SLC9A7: variants seen among roughly 807,000 people sequenced by gnomAD.
The protein encoded by SLC9A7 is sodium/hydrogen exchanger 7.
A neutral mutation model predicts 52.6 loss-of-function variants in SLC9A7; 19 were observed. The ratio of observed to expected loss-of-function variants is 0.36; its 90% CI spans 0.25 to 0.53. The LOEUF is 0.53. Ranked by LOEUF, SLC9A7 falls within the 20% of genes least tolerant of loss-of-function variation. The pLI is 0.91. For missense variants in SLC9A7, 455 were observed against 597.9 expected (o/e 0.76, Z 2.49); for synonymous variants, 226 against 252.1 (o/e 0.90, Z 0.98).
In SLC9A7 at chrX:46,653,663, A is replaced by C. The variant is rs1309183672; in HGVS notation, c.1093T>G (p.Phe365Val). ...HCFPLLETAL[F>V]FLMSWSTFLL... ...AACGTGCTCCAGGACATGAGGAAGA[A>C]CAGCGCCGTCTCCAGCAGGGGGAAG... The change falls in exon 8 of 17, where the codon TTC (phenylalanine) becomes GTC (valine). Residue 365 changes from phenylalanine (F) to valine (V), a missense_variant. Phe to Val is a conservative substitution (Grantham distance 50). Transcript: ENST00000616978. 1 of 1,210,988 alleles carries C rather than the reference A, an allele frequency of 8.3e-7. No individual in the cohort carries two copies.
intron 1 of SLC9A7, among the ~76,000 whole-genome samples, chrX:46,704,400 T>G (rs930856992): frequency 3.6e-5 from 4 of 112,276 alleles, no homozygotes; most frequent in African/African-American, 1.3e-4. Context: ...CTCTTAATTG[T>G]GGACATAATG....
chrX:46,717,482 C>G (rs772379227), intron 1 of SLC9A7, among the ~76,000 whole-genome samples: 1 of 111,400 alleles, frequency 9.0e-6, no homozygotes, highest in African/African-American at 3.3e-5. Flanking sequence ...GGGGTTCAAG[C>G]GATTCTCCTG....
chrX:46,615,150 C>T (rs1942924421), intron 15 of SLC9A7, among the ~76,000 whole-genome samples: 1 of 112,114 alleles, frequency 8.9e-6, no homozygotes, highest in African/African-American at 3.3e-5. Context: ...TCAAGCAATT[C>T]TCCTGCCTCA....
At chrX:46,664,582 T>G (rs1943886129) in intron 5 of SLC9A7, among the ~76,000 whole-genome samples, 1 of 111,217 alleles carries the variant, frequency 9.0e-6, no homozygotes. Context: ...GTCAGTCCCC[T>G]ATATGTCCCA....
At chrX:46,670,218 C>CA (rs1415230124) in intron 4 of SLC9A7, among the ~76,000 whole-genome samples, 6 of 111,542 alleles carry the variant, frequency 5.4e-5, no homozygotes, top group Non-Finnish European at 1.1e-4. Flanking sequence ...AGAATTATTT[C>CA]AAAAAAAGGA....
intron 1 of SLC9A7, among the ~76,000 whole-genome samples, chrX:46,723,548 C>A (rs1338695205): frequency 9.0e-6 from 1 of 110,660 alleles, no homozygotes; most frequent in Non-Finnish European, 1.9e-5. Flanking sequence ...GGGGGAAATA[C>A]ACCTTCCGAC....
intron 1 of SLC9A7, among the ~76,000 whole-genome samples, chrX:46,756,289 T>C (rs1398170957): frequency 9.0e-6 from 1 of 111,609 alleles, no homozygotes; most frequent in Non-Finnish European, 1.9e-5. Flanking sequence ...ACTCACTTCC[T>C]CTATTGATAT....
intron 1 of SLC9A7, among the ~76,000 whole-genome samples, chrX:46,749,470 C>G (rs1010746066): frequency 1.8e-5 from 2 of 111,659 alleles, no homozygotes; most frequent in African/African-American, 6.5e-5. Flanking sequence ...CTATCCGCCT[C>G]CCCACCTCTC....
intron 1 of SLC9A7, among the ~76,000 whole-genome samples, chrX:46,708,143 C>A (rs2031716007): frequency 8.9e-6 from 1 of 111,752 alleles, no homozygotes; most frequent in African/African-American, 3.3e-5. Flanking sequence ...GACCCTGTCT[C>A]AAAAATTTTT....
chrX:46,691,319 G>C (rs1944378257), intron 1 of SLC9A7, among the ~76,000 whole-genome samples: 1 of 112,073 alleles, frequency 8.9e-6, no homozygotes, highest in South Asian at 3.7e-4. Context: ...GAAAATGTTT[G>C]CTTTTGTATA....
chrX:46,711,850 G>A (rs955226512), intron 1 of SLC9A7, among the ~76,000 whole-genome samples: 1 of 103,469 alleles, frequency 9.7e-6, no homozygotes, highest in Non-Finnish European at 2.0e-5. Flanking sequence ...AAAGGGAAAC[G>A]AGAAAACAAC....
chrX:46,746,506 A>C (rs750501942), intron 1 of SLC9A7, among the ~76,000 whole-genome samples: 1 of 112,589 alleles, frequency 8.9e-6, no homozygotes, highest in East Asian at 2.8e-4. Flanking sequence ...TCTCAAAAGA[A>C]GACATATAAA....
At chrX:46,628,670 G>A (rs1370115966) in intron 14 of SLC9A7, among the ~76,000 whole-genome samples, 2 of 112,188 alleles carry the variant, frequency 1.8e-5, no homozygotes, top group African/African-American at 6.5e-5. Context: ...TTGTTTTTAG[G>A]AAGATTATTT....
chrX:46,607,152 C>T lies in SLC9A7; in HGVS notation c.1981G>A (p.Asp661Asn), dbSNP rs368880317. Residue 661 changes from aspartate to asparagine, a missense_variant, in exon 17 of 17, where the codon GAC becomes AAC. Physicochemically the swap from Asp to Asn is conservative, Grantham distance 23. This residue lies in a region of SLC9A7 where 146 missense variants were observed against 160.5 expected (regional missense o/e 0.91). Coordinates refer to ENST00000616978, the MANE Select transcript of SLC9A7 (RefSeq NM_001257291.2). ...CTGTCCCCGTAGGTCAATGTCAGGT[C>T]GCCTTCGGTCAGGATGAAATCAGAG... is the stretch of plus-strand genomic sequence containing the variant. ...EDSDFILTEG[D>N]LTLTYGDSTV... is the part of the protein sequence containing the mutation. 4.5e-4 allele frequency: 546 copies of T among 1,208,815 alleles called. 2 individuals are homozygous for T. In the South Asian group the frequency reaches 8.3e-3, roughly 18 times the overall value.
chrX:46,630,965 C>T (rs771944265), intron 14 of SLC9A7, among the ~76,000 whole-genome samples: 3 of 112,508 alleles, frequency 2.7e-5, no homozygotes, highest in Non-Finnish European at 5.6e-5. Context: ...CATGGAAAAG[C>T]CCTGCACAGA....
intron 4 of SLC9A7, among the ~76,000 whole-genome samples, chrX:46,672,193 G>A (rs1045632931): frequency 3.6e-5 from 4 of 111,383 alleles, no homozygotes; most frequent in Admixed American, 9.6e-5. Flanking sequence ...ACATTCTTTT[G>A]TCTGTCTGTT....
At chrX:46,738,598 C>T (rs1921064055) in intron 1 of SLC9A7, among the ~76,000 whole-genome samples, 1 of 110,955 alleles carries the variant, frequency 9.0e-6, no homozygotes, top group African/African-American at 3.3e-5. Flanking sequence ...GGCAAAACCT[C>T]ATCTCTACTA....
intron 14 of SLC9A7, among the ~76,000 whole-genome samples, chrX:46,626,075 G>C (rs1943123680): frequency 8.9e-6 from 1 of 111,753 alleles, no homozygotes; most frequent in South Asian, 3.7e-4. Flanking sequence ...GGGAGGCCAA[G>C]ACAGGCAGAT....
chrX:46,678,830 C>T (rs937273932), intron 3 of SLC9A7, among the ~76,000 whole-genome samples: 2 of 111,509 alleles, frequency 1.8e-5, no homozygotes, highest in African/African-American at 6.5e-5. Flanking sequence ...CCCAGTTTCC[C>T]CCAATGGTTA....
Sources: gnomAD v4.1 joint callset for allele counts (sites outside exome capture counted in the v4.1 genomes callset) on GRCh38, gnomAD v4.1.1 for gene constraint, gnomAD v4.1.1 regional missense constraint, MANE v1.5 for transcripts, NCBI Gene and HGNC (gene_info 2026-07-23, HGNC 2026-07-21) for gene names.